The following M1AP variants were observed in gnomAD, a reference collection of about 807,000 sequenced individuals.
M1AP encodes the protein meiosis 1 arrest protein.
In M1AP, 39 loss-of-function variants were observed where a neutral mutation model predicts 51.2. That is an observed-to-expected ratio of 0.76 (90% CI 0.59 to 1.00). M1AP has a LOEUF of 1.00. M1AP is among the 50% of genes least tolerant of loss of function. The probability of loss-of-function intolerance (pLI) is 0.00; values close to 1 mark genes in which losing one functional copy is unlikely to be tolerated. For synonymous variants in M1AP, 251 were observed against 249.2 expected (o/e 1.01, Z -0.07); for missense variants, 545 against 641.2 (o/e 0.85, Z 1.62).
intron 3 of M1AP, among the ~76,000 whole-genome samples, chr2:74,612,182 C>A (rs966529183): frequency 5.9e-5 from 9 of 151,804 alleles, no homozygotes; most frequent in Non-Finnish European, 8.8e-5. Context: ...TGAGCCACTG[C>A]GCCCGGCCAC....
intron 2 of M1AP, among the ~76,000 whole-genome samples, chr2:74,623,518 AG>A (rs1187963914): frequency 5.4e-5 from 8 of 148,036 alleles, no homozygotes; most frequent in African/African-American, 1.5e-4. Flanking sequence ...AAAAAAAAAA[AG>A]AGAGAGAGAG....
intron 2 of M1AP, among the ~76,000 whole-genome samples, chr2:74,629,319 T>C (rs997693010): frequency 1.3e-5 from 2 of 152,226 alleles, no homozygotes; most frequent in African/African-American, 4.8e-5. Flanking sequence ...CCATCCCTAA[T>C]CTAAAAGTCT....
At chr2:74,626,460 T>A (rs1295385940) in intron 2 of M1AP, among the ~76,000 whole-genome samples, 3 of 152,098 alleles carry the variant, frequency 2.0e-5, no homozygotes, top group Non-Finnish European at 2.9e-5. Flanking sequence ...GGTCTCACTA[T>A]GTTGCTCAGG....
intron 5 of M1AP, among the ~76,000 whole-genome samples, chr2:74,577,416 GTTC>G (rs1679144304): frequency 6.6e-6 from 1 of 152,190 alleles, no homozygotes; most frequent in Non-Finnish European, 1.5e-5. Context: ...ATATTACAAA[GTTC>G]TTCAATAAAA....
At chr2:74,577,807 T>C (rs1679166185) in intron 5 of M1AP, among the ~76,000 whole-genome samples, 1 of 152,186 alleles carries the variant, frequency 6.6e-6, no homozygotes, top group Non-Finnish European at 1.5e-5. Context: ...GTCCTGAGGC[T>C]TTAGGACTGG....
chr2:74,648,228 G>C (rs985422191), intron 1 of M1AP, 37 bp downstream of exon 1: 1 of 974,160 alleles, frequency 1.0e-6, no homozygotes, highest in Admixed American at 6.1e-5. Context: ...GGCTGCTCTC[G>C]GGCTGCCCTC....
At chr2:74,644,788 C>G (rs1287525277) in intron 1 of M1AP, among the ~76,000 whole-genome samples, 1 of 152,086 alleles carries the variant, frequency 6.6e-6, no homozygotes, top group African/African-American at 2.4e-5. Flanking sequence ...AAGCACATAA[C>G]ATATTTTTAA....
chr2:74,594,094 G>C (rs1156878602), intron 4 of M1AP, among the ~76,000 whole-genome samples: 1 of 152,286 alleles, frequency 6.6e-6, no homozygotes, highest in East Asian at 1.9e-4. Flanking sequence ...ACTAAGATCT[G>C]AGTCCCTGCT....
intron 6 of M1AP, among the ~76,000 whole-genome samples, chr2:74,576,129 ATC>A (rs1679052228): frequency 6.6e-6 from 1 of 152,224 alleles, no homozygotes. Flanking sequence ...TGAAGGTTGG[ATC>A]TCTGTCTTGA....
chr2:74,561,640 T>C (rs758121287), intron 8 of M1AP, among the ~76,000 whole-genome samples: 39 of 152,168 alleles, frequency 2.6e-4, no homozygotes, highest in Non-Finnish European at 5.1e-4. Flanking sequence ...CTGTGTCTTC[T>C]TTCCTTTCCC....
intron 5 of M1AP, among the ~76,000 whole-genome samples, chr2:74,577,497 C>G (rs984779168): frequency 2.0e-5 from 3 of 152,110 alleles, no homozygotes; most frequent in African/African-American, 7.2e-5. Flanking sequence ...TCTGAGAAGG[C>G]TGGTAGTTGA....
intron 4 of M1AP, among the ~76,000 whole-genome samples, chr2:74,603,489 G>A (rs572796282): frequency 2.6e-4 from 40 of 152,346 alleles, no homozygotes; most frequent in Non-Finnish European, 4.4e-4. Context: ...AAGAAGAAGT[G>A]ATGTGGTTGT....
intron 4 of M1AP, among the ~76,000 whole-genome samples, chr2:74,583,372 T>C (rs1334621110): frequency 2.0e-5 from 3 of 152,180 alleles, no homozygotes; most frequent in Non-Finnish European, 4.4e-5. Context: ...GGGGAGGGTC[T>C]GGTAGAGTGT....
chr2:74,581,744 G>A lies in M1AP; in HGVS notation c.699C>T (p.Asp233=). Residue 233 remains aspartate, a synonymous_variant, in exon 5 of 11, where the codon GAC becomes GAT. Transcript: ENST00000421985. ...FKAWLHNSGT[D]QEQIHLLLSS... ...AAAGAAGAAGATGGATTTGTTCTTG[G>A]TCTGTTCCACTGTTATGTAGCCAGG... 6.2e-7 allele frequency: 1 copy of A among 1,614,036 alleles called. No individual in the cohort carries two copies. The highest frequency in any genetic ancestry group is 8.5e-7 in the Non-Finnish European group (1 of 1,179,938).
chr2:74,600,281 A>C (rs1158678645), intron 4 of M1AP, among the ~76,000 whole-genome samples: 1 of 152,260 alleles, frequency 6.6e-6, no homozygotes, highest in Non-Finnish European at 1.5e-5. Context: ...TAGAACAGAA[A>C]GTATTTGAAC....
At chr2:74,602,680 A>G (rs1680740931) in intron 4 of M1AP, among the ~76,000 whole-genome samples, 1 of 152,220 alleles carries the variant, frequency 6.6e-6, no homozygotes, top group Non-Finnish European at 1.5e-5. Context: ...CTAAGGGAAT[A>G]AAACAATTAA....
rs186424282 is a variant in M1AP at position 74,562,331 on chromosome 2, C to T, written c.1167G>A (p.Pro389=). 4.5e-5 allele frequency: 72 copies of T among 1,614,240 alleles called. No individual in the cohort carries two copies. In the East Asian group the frequency reaches 6.2e-4, roughly 14 times the overall value. ...IPASTFYVIM[P]SHSLTLLVKA... The stretch of plus-strand genomic sequence containing the variant: ...TTACCAGCAGTGTGAGGGAGTGTGA[C>T]GGCATGATCACATAGAAGGTGCTGG... The change falls in exon 8 of 11, where the codon CCG becomes CCA. Residue 389 remains proline (P), a synonymous_variant. Transcript: ENST00000421985.
intron 6 of M1AP, among the ~76,000 whole-genome samples, chr2:74,576,225 T>C (rs1679056636): frequency 1.3e-5 from 2 of 152,232 alleles, no homozygotes; most frequent in African/African-American, 4.8e-5. Flanking sequence ...ACAATCCTCA[T>C]GCAGACCTCA....
chr2:74,628,476 A>G (rs1211488981), intron 2 of M1AP: 1 of 423,512 alleles, frequency 2.4e-6, no homozygotes, highest in Non-Finnish European at 4.8e-6. Context: ...CATGATAACC[A>G]CTGCTAACCA....
Sources: allele counts gnomAD v4.1 joint callset (sites outside exome capture counted in the v4.1 genomes callset), GRCh38; gene constraint gnomAD v4.1.1; transcripts MANE v1.5; gene names NCBI Gene and HGNC (gene_info 2026-07-23, HGNC 2026-07-21).